The following PTPN21 variants were observed in gnomAD, a reference collection of about 807,000 sequenced individuals.
PTPN21 encodes tyrosine-protein phosphatase non-receptor type 21.
PTPN21 carries 77 observed loss-of-function variants against 131.8 expected under a neutral mutation model. The observed-to-expected ratio is 0.58, with a 90% CI of 0.49 to 0.71. The LOEUF is 0.71. Among genes scored for constraint, PTPN21 ranks in the 30% least tolerant of loss-of-function variants. The pLI, the probability that PTPN21 is intolerant of heterozygous loss-of-function variation, is 0.00. For missense variants in PTPN21, 1,552 were observed against 1,527.1 expected (o/e 1.02, Z -0.27); for synonymous variants, 715 against 621.3 (o/e 1.15, Z -2.24).
At chr14:88,487,139 T>C (rs567035677) in intron 10 of PTPN21, among the ~76,000 whole-genome samples, 19 of 147,730 alleles carry the variant, frequency 1.3e-4, no homozygotes, top group East Asian at 5.9e-4. Flanking sequence ...TTTGTAACTA[T>C]TGTTTTCAAA....
chr14:88,522,238 C>G (rs138049220), intron 2 of PTPN21, among the ~76,000 whole-genome samples: 1 of 151,614 alleles, frequency 6.6e-6, no homozygotes, highest in South Asian at 2.1e-4. Context: ...ACTGGCCTGG[C>G]CAACATGGTG....
rs61742071 is a variant in PTPN21 at position 88,479,466 on chromosome 14, G to C, written c.1965C>G (p.Arg655=). The change falls in exon 13 of 19, where the codon CGC becomes CGG. Residue 655 remains arginine, a synonymous_variant. Transcript: ENST00000556564. ...HGLEGLRLKE[R]TLSASAAEVA... ...CCTCTGCCGCCGACGCGGATAGGGTGCGCTCCTTGAGCCGCAGGCCCTCCA... is the reference window on the plus strand; with the variant it reads ...CCTCTGCCGCCGACGCGGATAGGGTCCGCTCCTTGAGCCGCAGGCCCTCCA... 11,059 of 1,602,638 alleles carry C rather than the reference G, an allele frequency of 6.9e-3. 653 individuals carry two copies. The African/African-American group carries it at 0.13, about 19-fold the overall frequency.
intron 2 of PTPN21, among the ~76,000 whole-genome samples, chr14:88,524,334 T>A (rs902019238): frequency 6.6e-6 from 1 of 152,164 alleles, no homozygotes; most frequent in Non-Finnish European, 1.5e-5. Context: ...TACAGTCAAC[T>A]GATTTTAAAT....
Position 88,479,119 on chromosome 14 carries a change from AT to A in PTPN21, c.2311del (p.Met771Ter). ...KAHVPDAEKR[M>X]MDSSPVRTTA... is the part of the protein sequence containing the mutation. Reference sequence around the variant, plus strand: ...CGTGCGGACGGGGCTGCTGTCCATCATCCTCTTCTCCGCGTCTGGGACGTGG... The same window carrying A: ...CGTGCGGACGGGGCTGCTGTCCATCACCTCTTCTCCGCGTCTGGGACGTGG... On this transcript the variant is annotated frameshift_variant, in exon 13 of 19. Transcript: ENST00000556564. LOFTEE classifies it high-confidence loss of function. The A allele has an allele frequency of 6.4e-7, 1 of 1,562,706 alleles. No individual in the cohort carries two copies. The highest frequency in any genetic ancestry group is 8.6e-7 in the Non-Finnish European group (1 of 1,156,230).
chr14:88,511,685 C>A lies in PTPN21; in HGVS notation c.351-3665G>T, dbSNP rs530691620. Among the ~76,000 whole-genome samples the A allele has an allele frequency of 3.9e-5, 6 of 152,188 alleles. No homozygotes were observed. The South Asian group carries it at 1.2e-3, about 32-fold the overall frequency. ...GAAGAATGAAATAACAGGAAAAAAA[C>A]AAAGCAGTAATAAAATGTAACATGC... On this transcript the variant is annotated intron_variant, in intron 3 of 18. Transcript: ENST00000556564.
intron 3 of PTPN21, among the ~76,000 whole-genome samples, chr14:88,516,558 T>G (rs910195492): frequency 1.3e-5 from 2 of 152,142 alleles, no homozygotes; most frequent in African/African-American, 4.8e-5. Context: ...ATTCTGCTCC[T>G]TAATATCATC....
rs574821820 is a variant in PTPN21 at position 88,509,219 on chromosome 14, A to T, written c.351-1199T>A. On this transcript the variant is annotated intron_variant, in intron 3 of 18. Coordinates refer to ENST00000556564, the MANE Select transcript of PTPN21 (RefSeq NM_007039.4). ...CAACAGGTAATTACTGGGGTCTATTATATGTTAAGCATTATTCTAGATGCT... is the reference window on the plus strand; with the variant it reads ...CAACAGGTAATTACTGGGGTCTATTTTATGTTAAGCATTATTCTAGATGCT... 2.6e-5 allele frequency among the ~76,000 whole-genome samples: 4 copies of T among 152,214 alleles called. No individual in the cohort carries two copies. The South Asian group carries it at 8.3e-4, about 32-fold the overall frequency.
chr14:88,515,401 C>A (rs1210809078), intron 3 of PTPN21: 4 of 152,082 alleles, frequency 2.6e-5, no homozygotes, highest in African/African-American at 9.7e-5. Context: ...TGGTGTCCTG[C>A]CTATAGTCTT....
At chr14:88,494,407 C>T (rs979424865) in intron 10 of PTPN21, among the ~76,000 whole-genome samples, 6 of 152,192 alleles carry the variant, frequency 3.9e-5, no homozygotes, top group African/African-American at 1.4e-4. Context: ...CCTGGTGGCT[C>T]ACACCTGTCC....
chr14:88,491,174 C>T (rs867672684), intron 10 of PTPN21, among the ~76,000 whole-genome samples: 3 of 152,118 alleles, frequency 2.0e-5, no homozygotes, highest in African/African-American at 4.8e-5. Context: ...GTTTGGATAA[C>T]GATCATTCTG....
intron 2 of PTPN21, among the ~76,000 whole-genome samples, chr14:88,528,977 T>C (rs908377668): frequency 3.3e-5 from 5 of 152,166 alleles, no homozygotes; most frequent in African/African-American, 4.8e-5. Flanking sequence ...TTTCTTTCTC[T>C]TGTCTGATTG....
At chr14:88,522,081 C>T (rs1259770280) in intron 2 of PTPN21, among the ~76,000 whole-genome samples, 1 of 151,980 alleles carries the variant, frequency 6.6e-6, no homozygotes, top group African/African-American at 2.4e-5. Flanking sequence ...AATTATAGAC[C>T]ATAGAAGAGA....
intron 13 of PTPN21, among the ~76,000 whole-genome samples, chr14:88,476,568 A>C (rs1409881731): frequency 6.6e-6 from 1 of 152,208 alleles, no homozygotes; most frequent in African/African-American, 2.4e-5. Context: ...GCCTAACTGC[A>C]TGTGGGACAT....
intron 9 of PTPN21, 21 bp downstream of exon 9, chr14:88,497,182 A>G (rs746186404): frequency 5.1e-6 from 8 of 1,556,684 alleles, no homozygotes; most frequent in Non-Finnish European, 7.1e-6. Flanking sequence ...CATTCCATGC[A>G]GACCCCTAAT....
chr14:88,549,997 G>A (rs1295005659), intron 2 of PTPN21, among the ~76,000 whole-genome samples: 1 of 152,060 alleles, frequency 6.6e-6, no homozygotes, highest in Non-Finnish European at 1.5e-5. Context: ...TATTGGCCAG[G>A]CTGGTCTCGA....
intron 6 of PTPN21, among the ~76,000 whole-genome samples, chr14:88,502,580 T>C (rs967197545): frequency 1.6e-4 from 25 of 152,150 alleles, no homozygotes; most frequent in African/African-American, 4.3e-4. Context: ...CTTTGTGTCA[T>C]AGCATCCAGC....
intron 9 of PTPN21, 90 bp from the exon 10 acceptor site, chr14:88,496,582 G>A (rs1383992246): frequency 2.1e-6 from 2 of 945,552 alleles, no homozygotes; most frequent in African/African-American, 3.2e-5. Context: ...CATAATGGGT[G>A]ACATCATATG....
chr14:88,536,965 T>G (rs2078640499), intron 2 of PTPN21, among the ~76,000 whole-genome samples: 1 of 152,200 alleles, frequency 6.6e-6, no homozygotes. Context: ...TGAAGTATCG[T>G]ACTTCTTCCT....
At chr14:88,549,574 G>C (rs936280592) in intron 2 of PTPN21, among the ~76,000 whole-genome samples, 3 of 151,968 alleles carry the variant, frequency 2.0e-5, no homozygotes, top group African/African-American at 7.2e-5. Context: ...GCCAGCATGC[G>C]GGCCAGAGAA....
Sources: allele counts gnomAD v4.1 joint callset (sites outside exome capture counted in the v4.1 genomes callset), GRCh38; gene constraint gnomAD v4.1.1; transcripts MANE v1.5; gene names NCBI Gene and HGNC (gene_info 2026-07-23, HGNC 2026-07-21).